PCCA: variants seen among roughly 807,000 people sequenced by gnomAD.
PCCA encodes the protein propionyl-CoA carboxylase alpha chain, mitochondrial.
A neutral mutation model predicts 101.3 loss-of-function variants in PCCA; 74 were observed. The observed-to-expected ratio is 0.73, with a 90% CI of 0.61 to 0.89. The LOEUF (loss-of-function observed/expected upper bound fraction) is 0.89, where lower values mean the gene tolerates loss of function less well. Ranked by LOEUF, PCCA falls within the 40% of genes least tolerant of loss-of-function variation. The pLI is 0.00. For synonymous variants in PCCA, 294 were observed against 313.6 expected, an observed-to-expected ratio of 0.94 and a Z score of 0.66; for missense variants, 891 against 907.0, an observed-to-expected ratio of 0.98 and a Z score of 0.23.
At chr13:100,506,660 G>C (rs1263504825) in intron 21 of PCCA, among the ~76,000 whole-genome samples, 1 of 152,022 alleles carries the variant, frequency 6.6e-6, no homozygotes, top group African/African-American at 2.4e-5. Flanking sequence ...GCTCCAACCT[G>C]GGGGGGACTG....
intron 4 of PCCA, among the ~76,000 whole-genome samples, chr13:100,134,336 C>G (rs1343098889): frequency 6.6e-6 from 1 of 152,116 alleles, no homozygotes; most frequent in Non-Finnish European, 1.5e-5. Context: ...TTTCTCCCCC[C>G]ATTTTTCCAA....
In PCCA at chr13:100,191,928, T is replaced by C. The variant is rs190702087; in HGVS notation, c.469-17404T>C. 2.0e-3 allele frequency among the ~76,000 whole-genome samples: 307 copies of C among 152,352 alleles called. 2 individuals are homozygous for C. Among genetic ancestry groups the C allele is most frequent in the African/African-American group, 7.0e-3 (292 of 41,582 alleles). ...ACTTTAATGAAAGGAGAAGACTGCATTTTCAAGTTTGATCTAGAAGGCTAT... is the reference window on the plus strand; with the variant it reads ...ACTTTAATGAAAGGAGAAGACTGCACTTTCAAGTTTGATCTAGAAGGCTAT... On this transcript the variant is annotated intron_variant, in intron 6 of 23. Transcript: ENST00000376285.
intron 20 of PCCA, among the ~76,000 whole-genome samples, chr13:100,435,539 C>G (rs2079867405): frequency 6.6e-6 from 1 of 152,172 alleles, no homozygotes; most frequent in African/African-American, 2.4e-5. Context: ...TATTCATGTT[C>G]CTGGTTTTCA....
intron 19 of PCCA, among the ~76,000 whole-genome samples, chr13:100,386,801 A>G (rs981156692): frequency 6.6e-5 from 10 of 152,184 alleles, no homozygotes; most frequent in Non-Finnish European, 1.3e-4. Context: ...AGAAACTGGG[A>G]CCCATGGTTG....
At chr13:100,226,130 G>T (rs1346588769) in intron 7 of PCCA, among the ~76,000 whole-genome samples, 1 of 152,130 alleles carries the variant, frequency 6.6e-6, no homozygotes, top group Non-Finnish European at 1.5e-5. Flanking sequence ...AGAATCTTCT[G>T]CCTGACTTTG....
intron 8 of PCCA, among the ~76,000 whole-genome samples, chr13:100,247,070 G>A (rs188424800): frequency 6.2e-4 from 94 of 151,802 alleles, no homozygotes; most frequent in African/African-American, 2.1e-3. Context: ...CACCATGCCC[G>A]ACCAAGTTTT....
chr13:100,110,881 C>T (rs1157442671), intron 2 of PCCA, among the ~76,000 whole-genome samples: 1 of 152,118 alleles, frequency 6.6e-6, no homozygotes, highest in East Asian at 1.9e-4. Context: ...GATTTTAGCT[C>T]ACTGCAACCT....
chr13:100,448,242 C>T (rs1355525619), intron 20 of PCCA, among the ~76,000 whole-genome samples: 1 of 152,180 alleles, frequency 6.6e-6, no homozygotes, highest in East Asian at 1.9e-4. Flanking sequence ...GGCTGGAGTG[C>T]AGTGGCAGGA....
At chr13:100,259,240 C>T (rs1254725238) in intron 9 of PCCA, among the ~76,000 whole-genome samples, 1 of 149,788 alleles carries the variant, frequency 6.7e-6, no homozygotes, top group Non-Finnish European at 1.5e-5. Flanking sequence ...CTTGTAACAT[C>T]TTTCCTATGT....
intron 22 of PCCA, among the ~76,000 whole-genome samples, chr13:100,526,984 T>G (rs1230307254): frequency 6.6e-6 from 1 of 152,222 alleles, no homozygotes; most frequent in Non-Finnish European, 1.5e-5. Flanking sequence ...GCCTTGTGCC[T>G]TGTTGTGGGT....
chr13:100,500,013 A>C (rs2085557642), intron 21 of PCCA, among the ~76,000 whole-genome samples: 1 of 152,152 alleles, frequency 6.6e-6, no homozygotes, highest in Non-Finnish European at 1.5e-5. Context: ...TAGTATTTGG[A>C]ATCTATCTTT....
At chr13:100,106,135 A>G (rs2047773673) in intron 2 of PCCA, among the ~76,000 whole-genome samples, 1 of 151,932 alleles carries the variant, frequency 6.6e-6, no homozygotes, top group South Asian at 2.1e-4. Context: ...AAAGCAGAAT[A>G]TTGTTTTTTT....
At chr13:100,448,895 C>A (rs910472267) in intron 20 of PCCA, among the ~76,000 whole-genome samples, 3 of 152,216 alleles carry the variant, frequency 2.0e-5, no homozygotes, top group African/African-American at 7.2e-5. Context: ...CAATTTTAGA[C>A]CATGTTTATA....
At chr13:100,244,380 A>G (rs369777774) in intron 8 of PCCA, among the ~76,000 whole-genome samples, 16 of 152,104 alleles carry the variant, frequency 1.1e-4, no homozygotes, top group Non-Finnish European at 5.9e-5. Context: ...TTATTCCAAC[A>G]TGCACATTTG....
intron 22 of PCCA, among the ~76,000 whole-genome samples, chr13:100,521,479 C>T (rs1349096399): frequency 1.3e-5 from 2 of 152,240 alleles, no homozygotes; most frequent in African/African-American, 4.8e-5. Flanking sequence ...ATGATGGTTC[C>T]ATCCTTGCTC....
intron 6 of PCCA, among the ~76,000 whole-genome samples, chr13:100,197,453 T>A (rs1033682516): frequency 6.6e-6 from 1 of 151,860 alleles, no homozygotes; most frequent in Admixed American, 6.6e-5. Flanking sequence ...TTAATTTAAT[T>A]TTATTTTTTG....
At chr13:100,280,725 C>T (rs1476445279) in intron 12 of PCCA, among the ~76,000 whole-genome samples, 1 of 152,182 alleles carries the variant, frequency 6.6e-6, no homozygotes, top group Non-Finnish European at 1.5e-5. Context: ...GGGTCTACTT[C>T]ATTTCAAATA....
intron 21 of PCCA, among the ~76,000 whole-genome samples, chr13:100,460,139 G>T (rs1228566915): frequency 6.6e-6 from 1 of 152,146 alleles, no homozygotes; most frequent in Non-Finnish European, 1.5e-5. Context: ...AATTGTCTGG[G>T]TTTTGTTTGT....
chr13:100,137,297 T>C (rs1362338631), intron 4 of PCCA, among the ~76,000 whole-genome samples: 1 of 152,214 alleles, frequency 6.6e-6, no homozygotes, highest in African/African-American at 2.4e-5. Context: ...GCATGTTTCA[T>C]GTGCACTTGT....
Sources: gnomAD v4.1 joint callset for allele counts (sites outside exome capture counted in the v4.1 genomes callset) on GRCh38, gnomAD v4.1.1 for gene constraint, MANE v1.5 for transcripts, NCBI Gene and HGNC (gene_info 2026-07-23, HGNC 2026-07-21) for gene names.